Variants in SSX7 observed in about 807,000 individuals in gnomAD.
SSX7 encodes SSX family member 7, also known as protein SSX7.
Under a neutral mutation model 14.7 loss-of-function variants are expected in SSX7, and 15 were observed. The observed-to-expected ratio is 1.02, with a 90% confidence interval of 0.68 to 1.58. The LOEUF is 1.58. Ranked by LOEUF, SSX7 falls within the 40% of genes most tolerant of loss-of-function variation. The pLI is 0.00. For missense variants in SSX7, 178 were observed against 146.8 expected (o/e 1.21, Z -1.10); for synonymous variants, 46 against 50.6 (o/e 0.91, Z 0.38).
chrX:52,644,654 A>C lies in SSX7; in HGVS notation c.*21T>G. On this transcript the variant is annotated 3_prime_UTR_variant, in exon 8 of 8. Transcript: ENST00000298181. ...ACGTTCTGCTTCTCATCATGGGCATATGTCGTATCCCCGAGGCTGAGGCAA... is the reference window on the plus strand; with the variant it reads ...ACGTTCTGCTTCTCATCATGGGCATCTGTCGTATCCCCGAGGCTGAGGCAA... 8.4e-7 allele frequency: 1 copy of C among 1,195,805 alleles called. No homozygotes were observed. The highest frequency in any genetic ancestry group is 2.2e-5 in the Admixed American group (1 of 45,998).
intron 4 of SSX7, among the ~76,000 whole-genome samples, chrX:52,651,598 G>A (rs1309954112): frequency 9.0e-6 from 1 of 111,526 alleles, no homozygotes; most frequent in Non-Finnish European, 1.9e-5. Flanking sequence ...AAACAGGCCG[G>A]GCATGGTAGC....
In SSX7 at chrX:52,644,814, T is replaced by C. The variant is rs782440809; in HGVS notation, c.*5-144A>G. 2.4e-4 allele frequency: 169 copies of C among 701,455 alleles called. No individual in the cohort carries two copies. The African/African-American group carries it at 2.4e-3, about 10-fold the overall frequency. The allele number at this position is 701,455 out of a possible 1,213,427, so 57.8% of individuals were successfully genotyped here. A position where few individuals can be genotyped will look rare whatever the true frequency, so the allele number is the denominator to read the frequency against. On this transcript the variant is annotated intron_variant, in intron 7 of 7. Coordinates refer to ENST00000298181, the MANE Select transcript of SSX7 (RefSeq NM_173358.2). ...CCTGCACACGCCTTCCATGGTTCCT[T>C]GAAGTGAACCATCCGCTCATGCCAC...
At chrX:52,652,494 A>G (rs1322121996) in intron 3 of SSX7, 147 bp from the exon 4 acceptor site, 1 of 470,820 alleles carries the variant, frequency 2.1e-6, no homozygotes, top group Non-Finnish European at 3.8e-6. Flanking sequence ...CTATGACTGC[A>G]CTACTGCAAA....
intron 6 of SSX7, among the ~76,000 whole-genome samples, chrX:52,647,760 G>A (rs1264614390): frequency 8.9e-6 from 1 of 111,952 alleles, no homozygotes; most frequent in Non-Finnish European, 1.9e-5. Flanking sequence ...GCAGTATAGT[G>A]TAAACATAAT....
chrX:52,652,841 A>G (rs1556767194), intron 3 of SSX7, 29 bp downstream of exon 3: 2 of 1,130,102 alleles, frequency 1.8e-6, no homozygotes, highest in South Asian at 1.8e-5. Context: ...GTGTCCCCAG[A>G]CTTGTCTGTA....
chrX:52,645,953 A>T (rs1480253197), intron 6 of SSX7, among the ~76,000 whole-genome samples: 1 of 111,455 alleles, frequency 9.0e-6, no homozygotes, highest in African/African-American at 3.3e-5. Context: ...CGTTATTATT[A>T]TATCTGTTAT....
chrX:52,645,413 G>T, intron 7 of SSX7, 26 bp downstream of exon 7: 1 of 1,207,413 alleles, frequency 8.3e-7, no homozygotes, highest in South Asian at 1.8e-5. Context: ...GCAGGGATGT[G>T]GGGGATGAGC....
chrX:52,650,181 A>G (rs1326168041), intron 5 of SSX7, among the ~76,000 whole-genome samples, 172 bp downstream of exon 5: 1 of 112,611 alleles, frequency 8.9e-6, no homozygotes, highest in Non-Finnish European at 1.9e-5. Flanking sequence ...AAGATGTATT[A>G]AGGATCACAA....
Position 52,646,843 on chromosome X carries a change from C to T in SSX7, c.467-1300G>A, listed in dbSNP as rs1386192899. Among the ~76,000 whole-genome samples, 8 of 112,234 alleles carry T rather than the reference C, an allele frequency of 7.1e-5. No homozygotes were observed. The Admixed American group carries it at 7.6e-4, about 11-fold the overall frequency. On this transcript the variant is annotated intron_variant, in intron 6 of 7. Transcript: ENST00000298181. ...ACATCAGAAGCTAGAAATGGCTAAG[C>T]TTAGTGAGGAAGGCATGCTGAAAGC...
chrX:52,650,374 C>T lies in SSX7; in HGVS notation c.309G>A (p.Arg103=). 1.7e-6 allele frequency: 2 copies of T among 1,210,319 alleles called. No homozygotes were observed. The highest frequency in any genetic ancestry group is 2.2e-6 in the Non-Finnish European group (2 of 894,597). Residue 103 remains arginine, a synonymous_variant, in exon 5 of 8, where the codon AGG becomes AGA. Coordinates refer to ENST00000298181, the MANE Select transcript of SSX7 (RefSeq NM_173358.2). ...TCACCTTCGGGAAGATTCTCTGGAG[C>T]CTGCAAAAAGTCATCTGAGGACGTT... The part of the protein sequence containing the change: ...QVERPQMTFC[R]LQRIFPKIMP...
intron 6 of SSX7, among the ~76,000 whole-genome samples, chrX:52,647,013 G>A (rs782343079): frequency 8.9e-6 from 1 of 112,494 alleles, no homozygotes; most frequent in South Asian, 3.7e-4. Flanking sequence ...GTGAACACAC[G>A]AATAAGAAAG....
At chrX:52,644,780 A>G (rs1925179714) in intron 7 of SSX7, 110 bp from the exon 8 acceptor site, 1 of 863,105 alleles carries the variant, frequency 1.2e-6, no homozygotes, top group Non-Finnish European at 1.7e-6. Context: ...ATTCTGCCCT[A>G]CCCCAGGACC....
In SSX7 at chrX:52,647,276, G is replaced by A. The variant is rs145259724; in HGVS notation, c.466+985C>T. On this transcript the variant is annotated intron_variant, in intron 6 of 7. Transcript: ENST00000298181. ...GCAAGGTGAAGCAGCAAACCCTGAT[G>A]GAGAAGCTGCAGCAAGTTATCCAGA... Among the ~76,000 whole-genome samples, 95 of 112,533 alleles carry A rather than the reference G, an allele frequency of 8.4e-4. 1 individual carries two copies. Among genetic ancestry groups the A allele is most frequent in the African/African-American group, 2.8e-3 (86 of 31,062 alleles).
intron 6 of SSX7, among the ~76,000 whole-genome samples, chrX:52,645,827 C>T (rs1279955576): frequency 9.0e-6 from 1 of 110,834 alleles, no homozygotes; most frequent in Non-Finnish European, 1.9e-5. Context: ...TCATTCAGCA[C>T]GTGTTTTTAT....
intron 3 of SSX7, 55 bp downstream of exon 3, chrX:52,652,815 G>T: frequency 9.5e-7 from 1 of 1,047,938 alleles, no homozygotes; most frequent in South Asian, 1.9e-5. Context: ...GCCAAAGCAG[G>T]AATAGGGATG....
intron 6 of SSX7, among the ~76,000 whole-genome samples, chrX:52,646,909 A>G (rs1556766397): frequency 2.7e-5 from 3 of 112,652 alleles, no homozygotes; most frequent in African/African-American, 9.7e-5. Context: ...CCAAACAGCC[A>G]AGCTGTGAAT....
At chrX:52,644,768 T>C in intron 7 of SSX7, 98 bp from the exon 8 acceptor site, 1 of 954,579 alleles carries the variant, frequency 1.0e-6, no homozygotes, top group Non-Finnish European at 1.5e-6. Context: ...CTGCACACTC[T>C]GATTCTGCCC....
At chrX:52,646,280 GTCTCGATCTCCCGACT>G (rs1925242388) in intron 6 of SSX7, among the ~76,000 whole-genome samples, 1 of 111,889 alleles carries the variant, frequency 8.9e-6, no homozygotes, top group African/African-American at 3.2e-5. Flanking sequence ...AGCCAGGATG[GTCTCGATCTCCCGACT>G]TCGTGATCTG....
intron 6 of SSX7, among the ~76,000 whole-genome samples, chrX:52,647,024 C>A (rs782559865): frequency 3.6e-5 from 4 of 112,423 alleles, no homozygotes; most frequent in African/African-American, 1.3e-4. Context: ...AATAAGAAAG[C>A]AAAACTGCCT....
Sources: allele counts gnomAD v4.1 joint callset (sites outside exome capture counted in the v4.1 genomes callset), GRCh38; gene constraint gnomAD v4.1.1; transcripts MANE v1.5; gene names NCBI Gene and HGNC (gene_info 2026-07-23, HGNC 2026-07-21).